Variants in LATS1 observed in about 807,000 individuals in gnomAD.
LATS1 encodes serine/threonine-protein kinase LATS1.
Under a neutral mutation model 106.6 loss-of-function variants are expected in LATS1, and 25 were observed. The observed-to-expected ratio is 0.23, with a 90% confidence interval of 0.17 to 0.33. LATS1 has a LOEUF of 0.33. Among genes scored for constraint, LATS1 ranks in the 10% least tolerant of loss-of-function variants. The pLI, the probability that LATS1 is intolerant of heterozygous loss-of-function variation, is 1.00. For missense variants in LATS1, 1,040 were observed against 1,382.6 expected, an observed-to-expected ratio of 0.75 and a Z score of 3.93; for synonymous variants, 465 against 455.6, an observed-to-expected ratio of 1.02 and a Z score of -0.26.
chr6:149,665,928 G>T (rs940665204), intron 7 of LATS1, among the ~76,000 whole-genome samples: 8 of 151,844 alleles, frequency 5.3e-5, no homozygotes, highest in Admixed American at 3.3e-4. Flanking sequence ...GATCACCTGA[G>T]GTCAGGAGTT....
At chr6:149,704,409 G>C (rs1309753019) in intron 1 of LATS1, among the ~76,000 whole-genome samples, 1 of 151,292 alleles carries the variant, frequency 6.6e-6, no homozygotes, top group Admixed American at 6.6e-5. Context: ...CCTATTTTCT[G>C]TTCTAAAATT....
rs370138232 is a variant in LATS1, at chr6:149,702,173, T to G, written c.-47A>C. On this transcript the variant is annotated 5_prime_UTR_variant, in exon 2 of 8. Transcript: ENST00000543571. ...CCACACGAAGGACTTCTTTATTTGA[T>G]AGATCCAGAGCTTTCTTCTGAGCAA... The G allele has an allele frequency of 1.7e-4, 219 of 1,269,700 alleles. No homozygotes were observed. Among genetic ancestry groups the G allele is most frequent in the Non-Finnish European group, 2.3e-4 (210 of 903,270 alleles). The allele number at this position is 1,269,700 out of a possible 1,614,324, so 78.7% of individuals were successfully genotyped here.
chr6:149,710,850 G>A (rs1441811564), intron 1 of LATS1, among the ~76,000 whole-genome samples: 1 of 152,214 alleles, frequency 6.6e-6, no homozygotes, highest in Non-Finnish European at 1.5e-5. Flanking sequence ...AGTATTATAA[G>A]TAAATGATGA....
chr6:149,695,234 G>T lies in LATS1; in HGVS notation c.349-13C>A. On this transcript the variant is annotated splice_polypyrimidine_tract_variant and intron_variant, in intron 2 of 7. Coordinates refer to ENST00000543571, the MANE Select transcript of LATS1 (RefSeq NM_004690.4). Reference sequence around the variant, plus strand: ...GTATAACCATATCCTGATATGAATTGAAGTTTAAAAAAAAAGAAACAAAAT... The same window carrying T: ...GTATAACCATATCCTGATATGAATTTAAGTTTAAAAAAAAAGAAACAAAAT... 1 of 1,540,816 alleles carries T rather than the reference G, an allele frequency of 6.5e-7. No individual in the cohort carries two copies. Among genetic ancestry groups the T allele is most frequent in the Non-Finnish European group, 8.8e-7 (1 of 1,133,904 alleles).
chr6:149,717,969 G>C lies in LATS1; in HGVS notation c.-261C>G, dbSNP rs759031289. 14 of 363,302 alleles carry C rather than the reference G, an allele frequency of 3.9e-5. No individual in the cohort carries two copies. In the East Asian group the frequency reaches 4.6e-4, roughly 12 times the overall value. The allele number at this position is 363,302 out of a possible 1,614,324, so 22.5% of individuals were successfully genotyped here. ...GGTGGGGCAGAGCGGGGAGACGAAC[G>C]GGGGGGCTGCCGCGGGCCAGCGCGG... is the stretch of plus-strand genomic sequence containing the variant. On this transcript the variant is annotated 5_prime_UTR_variant, in exon 1 of 8. Transcript: ENST00000543571.
chr6:149,697,882 G>A (rs1485526628), intron 2 of LATS1, among the ~76,000 whole-genome samples: 1 of 152,006 alleles, frequency 6.6e-6, no homozygotes, highest in Non-Finnish European at 1.5e-5. Context: ...ATTTACAGGC[G>A]CCCAAAAACA....
At chr6:149,665,159 C>T (rs748381324) in intron 7 of LATS1, among the ~76,000 whole-genome samples, 14 of 151,978 alleles carry the variant, frequency 9.2e-5, no homozygotes, top group Admixed American at 5.2e-4. Context: ...GTCAGGAGTT[C>T]GAGACCAGCT....
Position 149,661,019 on chromosome 6 carries a change from A to G in LATS1, c.*710T>C. ...GCATCAAAAATACCAATATGGAAAA[A>G]AAGCTAGTAGTGCTTTGGCTTCTTT... On this transcript the variant is annotated 3_prime_UTR_variant, in exon 8 of 8. Transcript: ENST00000543571. The G allele has an allele frequency of 4.9e-6, 1 of 203,140 alleles. No homozygotes were observed. The allele number at this position is 203,140 out of a possible 1,614,324, so 12.6% of individuals were successfully genotyped here. A position where few individuals can be genotyped will look rare whatever the true frequency, so the allele number is the denominator to read the frequency against.
chr6:149,705,517 G>A (rs1783714516), intron 1 of LATS1, among the ~76,000 whole-genome samples: 1 of 150,542 alleles, frequency 6.6e-6, no homozygotes, highest in Non-Finnish European at 1.5e-5. Context: ...CTTACTTTGG[G>A]TTTCAACTCT....
chr6:149,701,172 G>C (rs997007165), intron 2 of LATS1, among the ~76,000 whole-genome samples: 3 of 152,130 alleles, frequency 2.0e-5, no homozygotes, highest in African/African-American at 7.2e-5. Flanking sequence ...ATGCTTACAA[G>C]GTATGTTATC....
rs1187848425 is a variant in LATS1, at chr6:149,676,748, AAAG to A, written c.2594-14_2594-12del. 2 of 1,602,660 alleles carry A rather than the reference AAAG, an allele frequency of 1.2e-6. No individual in the cohort carries two copies. The highest frequency in any genetic ancestry group is 8.5e-7 in the Non-Finnish European group (1 of 1,171,480). On this transcript the variant is annotated splice_polypyrimidine_tract_variant and intron_variant, in intron 5 of 7. Transcript: ENST00000543571. ...GCCGTGGATGGTCACCTGCACAACA[AAAG>A]AATAAGTAAATAAAGTCAACAATGA...
At chr6:149,714,102 G>A (rs1284818251) in intron 1 of LATS1, among the ~76,000 whole-genome samples, 1 of 151,498 alleles carries the variant, frequency 6.6e-6, no homozygotes, top group Non-Finnish European at 1.5e-5. Flanking sequence ...CTCCGGAGTA[G>A]CTGGGACTAC....
At chr6:149,693,452 A>T (rs1000845244) in intron 3 of LATS1, among the ~76,000 whole-genome samples, 6 of 151,602 alleles carry the variant, frequency 4.0e-5, no homozygotes, top group African/African-American at 1.5e-4. Context: ...TCTACTAAAA[A>T]TACAAAAATT....
intron 3 of LATS1, among the ~76,000 whole-genome samples, chr6:149,694,557 GA>G (rs1782953185): frequency 6.6e-6 from 1 of 152,034 alleles, no homozygotes; most frequent in South Asian, 2.1e-4. Context: ...TATATTAAGT[GA>G]AAAAAGTAGG....
chr6:149,704,328 C>T (rs1783631705), intron 1 of LATS1, among the ~76,000 whole-genome samples: 1 of 151,996 alleles, frequency 6.6e-6, no homozygotes, highest in Non-Finnish European at 1.5e-5. Flanking sequence ...ATATAATGTA[C>T]AGATATAAAC....
intron 7 of LATS1, among the ~76,000 whole-genome samples, chr6:149,666,709 G>A (rs575115139): frequency 7.2e-5 from 11 of 151,904 alleles, no homozygotes; most frequent in East Asian, 3.9e-4. Context: ...TTGGGAGGCC[G>A]AGGTGGGCAG....
At chr6:149,683,046 A>G in intron 4 of LATS1, 33 bp downstream of exon 4, 2 of 1,528,640 alleles carry the variant, frequency 1.3e-6, no homozygotes, top group Non-Finnish European at 1.8e-6. Context: ...ACAGATGATT[A>G]AGTATAAAAA....
rs1220927993 is a variant in LATS1, at chr6:149,717,950, G to A, written c.-242C>T. 2 of 361,782 alleles carry A rather than the reference G, an allele frequency of 5.5e-6. No homozygotes were observed. The highest frequency in any genetic ancestry group is 1.1e-5 in the Non-Finnish European group (2 of 188,758). 22.4% of individuals were successfully genotyped at this position (361,782 alleles called of 1,614,324 possible). ...AGCAACCCCAAGTATCCCTGGTGGGGCAGAGCGGGGAGACGAACGGGGGGG... is the reference window on the plus strand; with the variant it reads ...AGCAACCCCAAGTATCCCTGGTGGGACAGAGCGGGGAGACGAACGGGGGGG... On this transcript the variant is annotated 5_prime_UTR_variant, in exon 1 of 8. Transcript: ENST00000543571.
At position 149,711,255 on chromosome 6, in the gene LATS1, T is replaced by A. The variant is rs758790862; in HGVS notation, c.-141+6594A>T. Among the ~76,000 whole-genome samples, 146 of 132,148 alleles carry A rather than the reference T, an allele frequency of 1.1e-3. 1 individual carries two copies. The highest frequency in any genetic ancestry group is 2.1e-3 in the Non-Finnish European group (115 of 55,494). 86.7% of individuals were successfully genotyped at this position (132,148 alleles called of 152,430 possible). A position where few individuals can be genotyped will look rare whatever the true frequency, so the allele number is the denominator to read the frequency against. ...ACTGTTTTGTTAAAAAAAAAAAAAA[T>A]ATCTTTTGGCCGGGCACGGTGCCTC... On this transcript the variant is annotated intron_variant, in intron 1 of 7. Coordinates refer to ENST00000543571, the MANE Select transcript of LATS1 (RefSeq NM_004690.4).
Sources: gnomAD v4.1 joint callset for allele counts (sites outside exome capture counted in the v4.1 genomes callset) on GRCh38, gnomAD v4.1.1 for gene constraint, MANE v1.5 for transcripts, NCBI Gene and HGNC (gene_info 2026-07-23, HGNC 2026-07-21) for gene names.